PTPRN2: variants seen among roughly 807,000 people sequenced by gnomAD.
The protein encoded by PTPRN2 is receptor-type tyrosine-protein phosphatase N2.
A neutral mutation model predicts 118.8 loss-of-function variants in PTPRN2; 74 were observed. The observed-to-expected ratio is 0.62, with a 90% CI of 0.52 to 0.76. The LOEUF (loss-of-function observed/expected upper bound fraction) is 0.76. Among genes scored for constraint, PTPRN2 ranks in the 30% least tolerant of loss-of-function variants. PTPRN2 has a pLI of 0.00. For missense variants in PTPRN2, 1,481 were observed against 1,394.4 expected (o/e 1.06, Z -0.99); for synonymous variants, 641 against 608.0 (o/e 1.05, Z -0.80).
At position 157,755,526 on chromosome 7, in the gene PTPRN2, C is replaced by T. The variant is rs114863778; in HGVS notation, c.1789-72589G>A. On this transcript the variant is annotated intron_variant, in intron 12 of 22. Transcript: ENST00000389418. Reference sequence around the variant, plus strand: ...ATAAGAAAATGTGGTCCATATACACCGTGGAATACTATGCAACCATAAAAA... The same window carrying T: ...ATAAGAAAATGTGGTCCATATACACTGTGGAATACTATGCAACCATAAAAA... Among the ~76,000 whole-genome samples, 1,096 of 152,176 alleles carry T rather than the reference C, an allele frequency of 7.2e-3. 14 individuals carry two copies. Among genetic ancestry groups the T allele is most frequent in the African/African-American group, 0.025 (1,045 of 41,496 alleles).
At chr7:158,321,346 A>T (rs4145753) in intron 2 of PTPRN2, among the ~76,000 whole-genome samples, 1 of 152,104 alleles carries the variant, frequency 6.6e-6, no homozygotes, top group African/African-American at 2.4e-5. Context: ...CTTGGGACAC[A>T]GCCAGGACCC....
chr7:157,628,660 C>G (rs1328722306), intron 14 of PTPRN2, among the ~76,000 whole-genome samples: 3 of 152,172 alleles, frequency 2.0e-5, no homozygotes, highest in Admixed American at 2.0e-4. Context: ...GAGCCAGAGT[C>G]TATGTTCCCA....
rs555935516 is a variant in PTPRN2, at chr7:157,715,720, C to T, written c.1789-32783G>A. Among the ~76,000 whole-genome samples, 12 of 152,330 alleles carry T rather than the reference C, an allele frequency of 7.9e-5. No homozygotes were observed. The South Asian group carries it at 1.2e-3, about 16-fold the overall frequency. ...GCCAAGAGAAAACGGCGGTCTCCGC[C>T]GTCCAAGCAGCACATCGTGGAGGGC... On this transcript the variant is annotated intron_variant, in intron 12 of 22. Transcript: ENST00000389418.
In PTPRN2 at chr7:157,763,220, C is replaced by T. The variant is rs1369380756; in HGVS notation, c.1789-80283G>A. 2.0e-5 allele frequency among the ~76,000 whole-genome samples: 3 copies of T among 152,226 alleles called. No individual in the cohort carries two copies. The highest frequency in any genetic ancestry group is 7.2e-5 in the African/African-American group (3 of 41,458). ...CCACAGTGGGAAGGAGAGGGAGATG[C>T]CCTGAGGTGTCCAGTCCAACTCAAA... On this transcript the variant is annotated intron_variant, in intron 12 of 22. Transcript: ENST00000389418. This position sits in a 1 kb window ranked among gnomAD's most constrained non-coding sequence, Gnocchi z 4.9.
chr7:158,400,969 AC>A (rs1812900059), intron 2 of PTPRN2, among the ~76,000 whole-genome samples: 1 of 152,020 alleles, frequency 6.6e-6, no homozygotes, highest in Non-Finnish European at 1.5e-5. Context: ...CAGACAGCAA[AC>A]CCAGAGCTTC....
chr7:157,740,683 A>T (rs1800585732), intron 12 of PTPRN2, among the ~76,000 whole-genome samples: 1 of 152,160 alleles, frequency 6.6e-6, no homozygotes, highest in Non-Finnish European at 1.5e-5. Context: ...CTCCTAATCA[A>T]TGCTTTTTCT....
At chr7:158,305,792 C>CA (rs113374723) in intron 3 of PTPRN2, among the ~76,000 whole-genome samples, 9,688 of 116,082 alleles carry the variant, frequency 0.083, 468 homozygotes, top group African/African-American at 0.14. Context: ...GCAATTTACT[C>CA]AAAAAAAAAA....
rs138312426 is a variant in PTPRN2 at position 157,585,464 on chromosome 7, C to T, written c.2497-7324G>A. On this transcript the variant is annotated intron_variant, in intron 17 of 22. Coordinates refer to ENST00000389418, the MANE Select transcript of PTPRN2 (RefSeq NM_002847.5). The surrounding 1 kb of genome is among the most constrained non-coding windows in gnomAD (Gnocchi z 5.2). Reference sequence around the variant, plus strand: ...CCATCCTGCCGCATAGGGGTTCCCACGGTGGGAATGCACTCACACACTGGA... The same window carrying T: ...CCATCCTGCCGCATAGGGGTTCCCATGGTGGGAATGCACTCACACACTGGA... Among the ~76,000 whole-genome samples, 17 of 152,310 alleles carry T rather than the reference C, an allele frequency of 1.1e-4. No individual in the cohort carries two copies. Among genetic ancestry groups the T allele is most frequent in the East Asian group, 3.9e-4 (2 of 5,182 alleles).
chr7:158,142,513 C>T (rs867204820), intron 6 of PTPRN2, among the ~76,000 whole-genome samples: 1 of 152,184 alleles, frequency 6.6e-6, no homozygotes, highest in Non-Finnish European at 1.5e-5. Flanking sequence ...TGAAACCTGC[C>T]GTTTAAAACA....
chr7:158,550,881 C>T (rs951754612), intron 1 of PTPRN2, among the ~76,000 whole-genome samples: 14 of 152,180 alleles, frequency 9.2e-5, no homozygotes, highest in Admixed American at 3.9e-4. Flanking sequence ...AGGCGGCCGT[C>T]GCGCTTCCCT....
At chr7:158,389,688 G>A (rs1296117605) in intron 2 of PTPRN2, among the ~76,000 whole-genome samples, 1 of 152,260 alleles carries the variant, frequency 6.6e-6, no homozygotes, top group East Asian at 1.9e-4. Flanking sequence ...GCTGGAACCA[G>A]GCCCTGCGAG....
Position 157,808,674 on chromosome 7 carries a change from T to C in PTPRN2, c.1788+89999A>G, listed in dbSNP as rs893293357. The stretch of plus-strand genomic sequence containing the variant: ...CAATGTAATAATAACACAAATTAAG[T>C]GCACAGTAAATGTAATGCGTTTGAA... On this transcript the variant is annotated intron_variant, in intron 12 of 22. Transcript: ENST00000389418. This position sits in a 1 kb window ranked among gnomAD's most constrained non-coding sequence, Gnocchi z 5.0. Among the ~76,000 whole-genome samples, 7 of 152,178 alleles carry C rather than the reference T, an allele frequency of 4.6e-5. No individual in the cohort carries two copies. Among genetic ancestry groups the C allele is most frequent in the African/African-American group, 1.7e-4 (7 of 41,448 alleles).
At chr7:157,991,858 G>A (rs771645510) in intron 11 of PTPRN2, among the ~76,000 whole-genome samples, 10 of 152,236 alleles carry the variant, frequency 6.6e-5, no homozygotes, top group African/African-American at 9.6e-5. Context: ...GCACCTAAGC[G>A]CTGAGCAGGA....
intron 17 of PTPRN2, among the ~76,000 whole-genome samples, chr7:157,588,592 C>T (rs1382974382): frequency 3.9e-5 from 6 of 152,198 alleles, no homozygotes; most frequent in African/African-American, 1.4e-4. Flanking sequence ...GGGGAAGTCT[C>T]GGCACCTGGA....
rs544524086 is a variant in PTPRN2, at chr7:157,973,647, TC to T, written c.1724-74911del. Among the ~76,000 whole-genome samples the T allele has an allele frequency of 4.6e-5, 7 of 152,298 alleles. No individual in the cohort carries two copies. The East Asian group carries it at 1.3e-3, about 29-fold the overall frequency. On this transcript the variant is annotated intron_variant, in intron 11 of 22. Coordinates refer to ENST00000389418, the MANE Select transcript of PTPRN2 (RefSeq NM_002847.5). ...GGATGGCCTCACTGGATTAGATGGC[TC>T]TCCTTGAATCAAAGCCCTAATTTTC...
intron 14 of PTPRN2, among the ~76,000 whole-genome samples, chr7:157,647,028 G>A (rs1282148405): frequency 8.1e-5 from 12 of 148,866 alleles, no homozygotes; most frequent in Admixed American, 4.1e-4. Context: ...CACTGAACTC[G>A]GTGGGTCGGA....
chr7:157,999,416 G>C (rs558597866), intron 11 of PTPRN2, among the ~76,000 whole-genome samples: 1 of 152,114 alleles, frequency 6.6e-6, no homozygotes, highest in Admixed American at 6.5e-5. Flanking sequence ...CACGTGCCAC[G>C]GAGCTACACA....
At chr7:157,934,861 C>T (rs1029496803) in intron 11 of PTPRN2, among the ~76,000 whole-genome samples, 4 of 152,224 alleles carry the variant, frequency 2.6e-5, no homozygotes, top group Admixed American at 6.5e-5. Flanking sequence ...CAGATTCTCT[C>T]GGGATGGGCT....
rs112159390 is a variant in PTPRN2 at position 158,532,895 on chromosome 7, G to A, written c.113-43110C>T. On this transcript the variant is annotated intron_variant, in intron 1 of 22. Transcript: ENST00000389418. ...CAGACCATCTTGATGGCTCAGGGACGGCCAGGCTCCACCACACCTGCTCCC... is the reference window on the plus strand; with the variant it reads ...CAGACCATCTTGATGGCTCAGGGACAGCCAGGCTCCACCACACCTGCTCCC... 1,102 of 497,454 alleles carry A rather than the reference G, an allele frequency of 2.2e-3. 2 individuals carry two copies. The highest frequency in any genetic ancestry group is 0.01 in the East Asian group (182 of 17,508). 30.8% of individuals were successfully genotyped at this position (497,454 alleles called of 1,614,324 possible).
Sources: allele counts gnomAD v4.1 joint callset (sites outside exome capture counted in the v4.1 genomes callset), GRCh38; gene constraint gnomAD v4.1.1; non-coding constraint Gnocchi (gnomAD v3.1); transcripts MANE v1.5; gene names NCBI Gene and HGNC (gene_info 2026-07-23, HGNC 2026-07-21).